PXDNL: variants seen among roughly 807,000 people sequenced by gnomAD.
PXDNL encodes the protein peroxidasin like, also known as probable oxidoreductase PXDNL.
A neutral mutation model predicts 150.8 loss-of-function variants in PXDNL; 145 were observed. That is an observed-to-expected ratio of 0.96 (90% confidence interval 0.84 to 1.10). The LOEUF is 1.10. Ranked by LOEUF, PXDNL falls within the 50% of genes least tolerant of loss-of-function variation. PXDNL has a pLI of 0.00. For missense variants in PXDNL, 2,087 were observed against 1,873.9 expected, an observed-to-expected ratio of 1.11 and a Z score of -2.10; for synonymous variants, 757 against 725.7, an observed-to-expected ratio of 1.04 and a Z score of -0.69.
At chr8:51,772,938 C>A (rs752573578) in intron 1 of PXDNL, among the ~76,000 whole-genome samples, 1 of 152,176 alleles carries the variant, frequency 6.6e-6, no homozygotes, top group Non-Finnish European at 1.5e-5. Flanking sequence ...CACTAATGTG[C>A]CTGCTATGGT....
At chr8:51,343,825 A>G (rs1259363261) in intron 20 of PXDNL, among the ~76,000 whole-genome samples, 1 of 152,200 alleles carries the variant, frequency 6.6e-6, no homozygotes, top group Non-Finnish European at 1.5e-5. Context: ...AATCAATGGA[A>G]AAACAGATGA....
chr8:51,666,332 T>C (rs1815384808), intron 1 of PXDNL, among the ~76,000 whole-genome samples: 1 of 152,290 alleles, frequency 6.6e-6, no homozygotes, highest in Non-Finnish European at 1.5e-5. Context: ...CCTCTTCCCT[T>C]GACCTTCCTT....
intron 1 of PXDNL, among the ~76,000 whole-genome samples, chr8:51,700,498 C>T (rs987686653): frequency 1.3e-5 from 2 of 151,406 alleles, no homozygotes; most frequent in Non-Finnish European, 2.9e-5. Flanking sequence ...TACATATATA[C>T]ACACATATAA....
intron 4 of PXDNL, among the ~76,000 whole-genome samples, chr8:51,554,737 A>T (rs1812566086): frequency 6.6e-6 from 1 of 152,116 alleles, no homozygotes; most frequent in South Asian, 2.1e-4. Context: ...TCCAGTTTCC[A>T]TTACCTTGTT....
chr8:51,755,252 G>T (rs1216742230), intron 1 of PXDNL, among the ~76,000 whole-genome samples: 1 of 151,584 alleles, frequency 6.6e-6, no homozygotes, highest in Non-Finnish European at 1.5e-5. Context: ...ATGTTAAAAT[G>T]GTAGAGTCAT....
Position 51,409,107 on chromosome 8 carries a change from G to T in PXDNL, c.2517C>A (p.Asp839Glu). The T allele has an allele frequency of 6.2e-7, 1 of 1,609,042 alleles. No homozygotes were observed. The change falls in exon 17 of 23, where the codon GAC becomes GAA. Residue 839 changes from aspartate to glutamate, a missense_variant. Asp to Glu is a conservative substitution (Grantham distance 45). Coordinates refer to ENST00000356297, the MANE Select transcript of PXDNL (RefSeq NM_144651.5). ...GGGTGTTCATGGGGAAACAAGGAGG[G>T]TCGTTGGTGCAGACGGAGCTGCACG... ...GRPCSSVCTNDPPCFPMNTRH... is the reference protein window; with the variant it reads ...GRPCSSVCTNEPPCFPMNTRH...
chr8:51,421,514 A>G (rs768572176), intron 14 of PXDNL, among the ~76,000 whole-genome samples: 1 of 152,188 alleles, frequency 6.6e-6, no homozygotes, highest in African/African-American at 2.4e-5. Context: ...GGCCTGGCCT[A>G]CATGGTGAAA....
chr8:51,484,318 C>T (rs1187595245), intron 5 of PXDNL, among the ~76,000 whole-genome samples: 1 of 151,620 alleles, frequency 6.6e-6, no homozygotes, highest in Non-Finnish European at 1.5e-5. Context: ...ACCTGTAATC[C>T]CAGCTACTCC....
At chr8:51,777,972 C>G (rs2037370404) in intron 1 of PXDNL, among the ~76,000 whole-genome samples, 1 of 151,958 alleles carries the variant, frequency 6.6e-6, no homozygotes, top group Admixed American at 6.6e-5. Context: ...ACAAAAGGAA[C>G]AGAAATATAG....
At chr8:51,699,688 T>C (rs527641750) in intron 1 of PXDNL, among the ~76,000 whole-genome samples, 1 of 152,304 alleles carries the variant, frequency 6.6e-6, no homozygotes, top group Admixed American at 6.5e-5. Flanking sequence ...TTCTAGCTTT[T>C]AATTTAAGGT....
chr8:51,625,463 C>A (rs1027618020), intron 2 of PXDNL, among the ~76,000 whole-genome samples: 1 of 152,146 alleles, frequency 6.6e-6, no homozygotes, highest in Non-Finnish European at 1.5e-5. Flanking sequence ...TTACAACCAA[C>A]TGCATAGACT....
chr8:51,653,027 T>C (rs879761983), intron 2 of PXDNL, among the ~76,000 whole-genome samples: 20 of 152,226 alleles, frequency 1.3e-4, no homozygotes, highest in African/African-American at 3.1e-4. Flanking sequence ...TTTTATCATA[T>C]TCACAATTTA....
Position 51,604,840 on chromosome 8 carries a change from C to T in PXDNL, c.237-12142G>A, listed in dbSNP as rs182976173. Among the ~76,000 whole-genome samples, 3 of 152,212 alleles carry T rather than the reference C, an allele frequency of 2.0e-5. No individual in the cohort carries two copies. In the East Asian group the frequency reaches 5.8e-4, roughly 29 times the overall value. ...TTGTGTCATCTTCTGACACACAGAG[C>T]AAATATCTCGTCAGAGTTTGTATAG... On this transcript the variant is annotated intron_variant, in intron 2 of 22. Transcript: ENST00000356297.
At chr8:51,693,271 T>C (rs6991118) in intron 1 of PXDNL, among the ~76,000 whole-genome samples, 113,550 of 151,754 alleles carry the variant, frequency 0.75, 42,574 homozygotes, top group East Asian at 0.82. Context: ...GCAAGCTTAG[T>C]GTGGTAAAGA....
chr8:51,568,142 G>A (rs7834186), intron 3 of PXDNL, among the ~76,000 whole-genome samples: 10,736 of 151,116 alleles, frequency 0.071, 960 homozygotes, highest in African/African-American at 0.22. Context: ...ATTTTTATCC[G>A]TTATATCAAT....
intron 8 of PXDNL, among the ~76,000 whole-genome samples, chr8:51,468,052 C>T (rs951130888): frequency 1.3e-5 from 2 of 151,884 alleles, no homozygotes; most frequent in Admixed American, 1.3e-4. Flanking sequence ...GAAATTGATT[C>T]TTGGCTATGA....
At chr8:51,354,111 C>T (rs960970961) in intron 19 of PXDNL, among the ~76,000 whole-genome samples, 8 of 151,976 alleles carry the variant, frequency 5.3e-5, no homozygotes, top group African/African-American at 1.7e-4. Flanking sequence ...TTGGTTTTCC[C>T]TAGTGATCTG....
chr8:51,683,344 T>A (rs2130850666), intron 1 of PXDNL, among the ~76,000 whole-genome samples: 1 of 151,398 alleles, frequency 6.6e-6, no homozygotes, highest in South Asian at 2.1e-4. Context: ...CGATTTTTCA[T>A]CTGCCTGTTG....
chr8:51,795,579 A>G (rs1331101705), intron 1 of PXDNL, among the ~76,000 whole-genome samples: 1 of 152,226 alleles, frequency 6.6e-6, no homozygotes, highest in Non-Finnish European at 1.5e-5. Flanking sequence ...GCAGAAATCA[A>G]GAAGTTCTTT....
Sources: gnomAD v4.1 joint callset for allele counts (sites outside exome capture counted in the v4.1 genomes callset) on GRCh38, gnomAD v4.1.1 for gene constraint, MANE v1.5 for transcripts, NCBI Gene and HGNC (gene_info 2026-07-23, HGNC 2026-07-21) for gene names.